The following PDXK variants were observed in gnomAD, a reference collection of about 807,000 sequenced individuals.
PDXK encodes the protein epididymis secretory sperm binding protein Li 1a.
PDXK carries 15 observed loss-of-function variants against 43.2 expected under a neutral mutation model. The observed-to-expected ratio is 0.35, with a 90% CI of 0.23 to 0.53. The LOEUF (loss-of-function observed/expected upper bound fraction) is 0.53. Among genes scored for constraint, PDXK ranks in the 20% least tolerant of loss-of-function variants. The pLI, the probability that PDXK is intolerant of heterozygous loss-of-function variation, is 0.92. For synonymous variants in PDXK, 172 were observed against 165.4 expected, an observed-to-expected ratio of 1.04 and a Z score of -0.31; for missense variants, 343 against 417.0, an observed-to-expected ratio of 0.82 and a Z score of 1.54.
In PDXK at chr21:43,753,626, C is replaced by A. The variant is rs2083794607; in HGVS notation, c.666C>A (p.Asp222Glu). The change falls in exon 9 of 11, where the codon GAC (aspartate) becomes GAA (glutamate). Residue 222 changes from aspartate to glutamate, a missense_variant. Physicochemically the swap from Asp to Glu is conservative, Grantham distance 45. Coordinates refer to ENST00000291565, the MANE Select transcript of PDXK (RefSeq NM_003681.5). Reference protein sequence around the residue: ...GSVVMERIRMDIRKVDAVFVG... With the variant: ...GSVVMERIRMEIRKVDAVFVG... The stretch of plus-strand genomic sequence containing the variant: ...TGGTGATGGAACGCATCCGGATGGA[C>A]ATTCGCAAAGTGGACGCCGTCTTTG... 6.2e-7 allele frequency: 1 copy of A among 1,613,534 alleles called. No individual in the cohort carries two copies. Among genetic ancestry groups the A allele is most frequent in the Non-Finnish European group, 8.5e-7 (1 of 1,179,692 alleles).
chr21:43,749,555 C>G (rs535932266), intron 6 of PDXK, among the ~76,000 whole-genome samples: 20 of 152,386 alleles, frequency 1.3e-4, no homozygotes, highest in Admixed American at 1.2e-3. Flanking sequence ...GCGAGTGCCC[C>G]TTGATACTGG....
Position 43,734,001 on chromosome 21 carries a change from C to G in PDXK, c.88-68C>G, listed in dbSNP as rs2083363427. 6.6e-7 allele frequency: 1 copy of G among 1,505,096 alleles called. No individual in the cohort carries two copies. Among genetic ancestry groups the G allele is most frequent in the Non-Finnish European group, 9.2e-7 (1 of 1,081,496 alleles). 93.2% of individuals were successfully genotyped at this position (1,505,096 alleles called of 1,614,324 possible). ...TTTACTCCCCTCTTCTGAGTCAGCA[C>G]CTGCTGGGGTTCGTGGGACCCCAGA... On this transcript the variant is annotated intron_variant, in intron 1 of 10. Transcript: ENST00000291565. This position sits in a 1 kb window ranked among gnomAD's most constrained non-coding sequence, Gnocchi z 5.0.
In PDXK at chr21:43,756,001, A is replaced by C; in HGVS notation, c.877A>C (p.Met293Leu). Residue 293 changes from methionine to leucine, a missense_variant, in exon 11 of 11, where the codon ATG (methionine) becomes CTG (leucine). Transcript: ENST00000291565. ...CAGCCCCATGCAGCTGGAGCTGCGG[A>C]TGGTGCAGAGCAAAAGGGACATCGA... ...RPSPMQLELR[M>L]VQSKRDIEDP... The C allele has an allele frequency of 6.2e-7, 1 of 1,613,392 alleles. No individual in the cohort carries two copies. Among genetic ancestry groups the C allele is most frequent in the Non-Finnish European group, 8.5e-7 (1 of 1,179,718 alleles).
chr21:43,755,667 CA>C lies in PDXK; in HGVS notation c.760-30del, dbSNP rs776180038. 6.3e-6 allele frequency: 10 copies of C among 1,584,338 alleles called. No individual in the cohort carries two copies. The East Asian group carries it at 8.9e-5, about 14-fold the overall frequency. ...GGCACGTCGGGTGTTGTGAGTGGGC[CA>C]GGGGCACAGCAAGTCTGTCCTCCCT... On this transcript the variant is annotated intron_variant, in intron 9 of 10. Transcript: ENST00000291565.
At chr21:43,741,606 A>G in intron 2 of PDXK, 61 bp from the exon 3 acceptor site, 1 of 1,588,484 alleles carries the variant, frequency 6.3e-7, no homozygotes, top group Non-Finnish European at 8.6e-7. Context: ...GTGTCAAGGG[A>G]AGCCCACGGC....
Position 43,732,094 on chromosome 21 carries a change from C to G in PDXK, c.88-1975C>G, listed in dbSNP as rs931571491. On this transcript the variant is annotated intron_variant, in intron 1 of 10. Transcript: ENST00000291565. The surrounding 1 kb of genome is among the most constrained non-coding windows in gnomAD (Gnocchi z 4.1). ...GCTGCCCCTGTGGGGAGAAGAGCCC[C>G]GGGGGAAGAAGAGCACTGCTGACAG... The G allele has an allele frequency of 1.7e-6, 2 of 1,201,292 alleles. No homozygotes were observed. Among genetic ancestry groups the G allele is most frequent in the Non-Finnish European group, 2.1e-6 (2 of 954,468 alleles). The allele number at this position is 1,201,292 out of a possible 1,614,324, so 74.4% of individuals were successfully genotyped here. A position where few individuals can be genotyped will look rare whatever the true frequency, so the allele number is the denominator to read the frequency against.
intron 2 of PDXK, among the ~76,000 whole-genome samples, chr21:43,736,430 C>T (rs956058323): frequency 6.6e-6 from 1 of 152,140 alleles, no homozygotes; most frequent in Non-Finnish European, 1.5e-5. Flanking sequence ...CCACAAGCAG[C>T]CGTGCGGACA....
At chr21:43,726,970 T>C (rs1054390150) in intron 1 of PDXK, among the ~76,000 whole-genome samples, 7 of 152,076 alleles carry the variant, frequency 4.6e-5, no homozygotes, top group Admixed American at 1.3e-4. Flanking sequence ...TGGGCATGCA[T>C]GCGTGTGTCA....
At chr21:43,726,647 A>T (rs886928529) in intron 1 of PDXK, among the ~76,000 whole-genome samples, 2 of 152,114 alleles carry the variant, frequency 1.3e-5, no homozygotes, top group African/African-American at 4.8e-5. Context: ...ACCTCAGGCA[A>T]TCCACCCACC....
intron 2 of PDXK, among the ~76,000 whole-genome samples, chr21:43,736,424 A>T (rs1032213246): frequency 3.3e-5 from 5 of 152,110 alleles, no homozygotes; most frequent in Non-Finnish European, 7.3e-5. Context: ...GCCCAGCCAC[A>T]AGCAGCCGTG....
chr21:43,756,376 A>T lies in PDXK; in HGVS notation c.*313A>T. The stretch of plus-strand genomic sequence containing the variant: ...GTGGGAGGGTGAGTGGGTGAGGCCG[A>T]GCCTGCTGCGTGTGGAGCCTCGAGT... On this transcript the variant is annotated 3_prime_UTR_variant, in exon 11 of 11. Coordinates refer to ENST00000291565, the MANE Select transcript of PDXK (RefSeq NM_003681.5). The T allele has an allele frequency of 3.3e-6, 1 of 303,310 alleles. No homozygotes were observed. 18.8% of individuals were successfully genotyped at this position (303,310 alleles called of 1,614,324 possible).
intron 7 of PDXK, among the ~76,000 whole-genome samples, chr21:43,750,951 C>T (rs1184679775): frequency 1.7e-4 from 11 of 63,026 alleles, no homozygotes; most frequent in African/African-American, 9.5e-4. Flanking sequence ...CGTGTTTGCA[C>T]ATGTGTGTGC....
chr21:43,729,729 C>T (rs1474805236), intron 1 of PDXK, among the ~76,000 whole-genome samples: 1 of 152,036 alleles, frequency 6.6e-6, no homozygotes, highest in Non-Finnish European at 1.5e-5. Flanking sequence ...CGCTTGAGCC[C>T]CGGAGTTCAA....
intron 1 of PDXK, among the ~76,000 whole-genome samples, chr21:43,725,313 ACT>A (rs2083243219): frequency 6.6e-6 from 1 of 151,878 alleles, no homozygotes; most frequent in Non-Finnish European, 1.5e-5. Flanking sequence ...ACAGAGCAAG[ACT>A]CTCGTCTCAA....
intron 7 of PDXK, among the ~76,000 whole-genome samples, chr21:43,750,791 TG>T (rs2083726910): frequency 6.7e-6 from 1 of 149,436 alleles, no homozygotes; most frequent in African/African-American, 2.5e-5. Flanking sequence ...TGGGTGTGTG[TG>T]TGGATGTGTG....
intron 1 of PDXK, among the ~76,000 whole-genome samples, chr21:43,725,249 G>C (rs2083242187): frequency 6.6e-6 from 1 of 152,140 alleles, no homozygotes; most frequent in African/African-American, 2.4e-5. Flanking sequence ...TGTGAACCCA[G>C]GAGGCGGAGC....
At chr21:43,750,791 T>G (rs1314802387) in intron 7 of PDXK, among the ~76,000 whole-genome samples, 1 of 149,436 alleles carries the variant, frequency 6.7e-6, no homozygotes, top group East Asian at 2.0e-4. Context: ...TGGGTGTGTG[T>G]GTGGATGTGT....
At position 43,746,146 on chromosome 21, in the gene PDXK, G is replaced by A; in HGVS notation, c.378+21G>A. 1.2e-6 allele frequency: 2 copies of A among 1,600,492 alleles called. 1 individual carries two copies. The highest frequency in any genetic ancestry group is 2.2e-5 in the South Asian group (2 of 90,728). On this transcript the variant is annotated intron_variant, in intron 5 of 10. Transcript: ENST00000291565. ...CGATGGTGAGTAGTTTCACGTGTGT[G>A]ATTTAAAAGTGTGGTGAGTGGAGCT...
Position 43,737,293 on chromosome 21 carries a change from C to T in PDXK, c.142+3170C>T. 1 of 1,398,318 alleles carries T rather than the reference C, an allele frequency of 7.2e-7. No individual in the cohort carries two copies. The highest frequency in any genetic ancestry group is 1.6e-5 in the South Asian group (1 of 64,466). 86.6% of individuals were successfully genotyped at this position (1,398,318 alleles called of 1,614,324 possible). ...GCCCACCTGGCGCAGGCCTCGCCGC[C>T]TCGAGGCTGCTGCTCGCACTTCTGC... On this transcript the variant is annotated intron_variant, in intron 2 of 10. Transcript: ENST00000291565. This position sits in a 1 kb window ranked among gnomAD's most constrained non-coding sequence, Gnocchi z 4.8.
Sources: gnomAD v4.1 joint callset for allele counts (sites outside exome capture counted in the v4.1 genomes callset) on GRCh38, gnomAD v4.1.1 for gene constraint, Gnocchi (gnomAD v3.1) non-coding constraint, MANE v1.5 for transcripts, NCBI Gene and HGNC (gene_info 2026-07-23, HGNC 2026-07-21) for gene names.